ETS2: variants seen among roughly 807,000 people sequenced by gnomAD.
The protein encoded by ETS2 is protein C-ets-2.
ETS2 carries 19 observed loss-of-function variants against 54.9 expected under a neutral mutation model. The ratio of observed to expected loss-of-function variants is 0.35; its 90% CI spans 0.24 to 0.51. The LOEUF is 0.51. Ranked by LOEUF, ETS2 falls within the 20% of genes least tolerant of loss-of-function variation. The pLI, the probability that ETS2 is intolerant of heterozygous loss-of-function variation, is 0.97. For synonymous variants in ETS2, 219 were observed against 229.3 expected, an observed-to-expected ratio of 0.95 and a Z score of 0.41; for missense variants, 417 against 593.0, an observed-to-expected ratio of 0.70 and a Z score of 3.08.
At position 38,806,395 on chromosome 21, in the gene ETS2, G is replaced by A. The variant is rs1191865344; in HGVS notation, c.-1+275G>A. On this transcript the variant is annotated intron_variant, in intron 1 of 9. Transcript: ENST00000360938. This position sits in a 1 kb window ranked among gnomAD's most constrained non-coding sequence, Gnocchi z 4.3. The stretch of plus-strand genomic sequence containing the variant: ...GGGCCGCTGTCTTCGGGGTCGCCTA[G>A]CGGCGGGCGCGGCCAGGGCGCGCTG... 1 of 985,828 alleles carries A rather than the reference G, an allele frequency of 1.0e-6. No individual in the cohort carries two copies. The allele number at this position is 985,828 out of a possible 1,614,324, so 61.1% of individuals were successfully genotyped here.
At chr21:38,819,094 G>A (rs1035208207) in intron 7 of ETS2, among the ~76,000 whole-genome samples, 17 of 152,062 alleles carry the variant, frequency 1.1e-4, no homozygotes, top group East Asian at 3.9e-4. Flanking sequence ...ATGTCCCCCC[G>A]ACAGAAGGGA....
intron 1 of ETS2, among the ~76,000 whole-genome samples, chr21:38,808,923 G>A (rs1459571411): frequency 1.3e-5 from 2 of 152,158 alleles, no homozygotes; most frequent in African/African-American, 4.8e-5. Flanking sequence ...GCCATTCATC[G>A]GTGCTAACCC....
rs766202172 is a variant in ETS2, at chr21:38,814,884, C to T, written c.408C>T (p.Gly136=). The change falls in exon 5 of 10, where the codon GGC becomes GGT. Residue 136 remains glycine, a synonymous_variant. Transcript: ENST00000360938. This position sits in a 1 kb window ranked among gnomAD's most constrained non-coding sequence, Gnocchi z 4.2. ...NVNLQRFGMN[G]QMLCNLGKER... ...ATCTGCAGAGGTTCGGCATGAATGG[C>T]CAGATGCTGTGTAACCTTGGCAAGG... is the stretch of plus-strand genomic sequence containing the variant. 5 of 1,614,186 alleles carry T rather than the reference C, an allele frequency of 3.1e-6. No homozygotes were observed. The Admixed American group carries it at 8.3e-5, about 27-fold the overall frequency.
At chr21:38,817,401 A>G (rs1470050241) in intron 6 of ETS2, among the ~76,000 whole-genome samples, 2 of 152,248 alleles carry the variant, frequency 1.3e-5, no homozygotes, top group Non-Finnish European at 2.9e-5. Flanking sequence ...GCCAAGTAAA[A>G]TAAGAAAATT....
chr21:38,806,003 C>G lies in ETS2; in HGVS notation c.-118C>G. 1 of 1,262,708 alleles carries G rather than the reference C, an allele frequency of 7.9e-7. No homozygotes were observed. Among genetic ancestry groups the G allele is most frequent in the Non-Finnish European group, 1.0e-6 (1 of 978,626 alleles). The allele number at this position is 1,262,708 out of a possible 1,614,324, so 78.2% of individuals were successfully genotyped here. On this transcript the variant is annotated 5_prime_UTR_variant, in exon 1 of 10. Transcript: ENST00000360938. The surrounding 1 kb of genome is among the most constrained non-coding windows in gnomAD (Gnocchi z 4.3). ...CTCCCGGAGCCGCCCGGCCAGCGTC[C>G]GGCCTCCCTGATCGTCTCTGGCCGG...
At chr21:38,818,328 G>C in intron 6 of ETS2, 97 bp from the exon 7 acceptor site, 2 of 1,540,438 alleles carry the variant, frequency 1.3e-6, no homozygotes, top group Non-Finnish European at 1.8e-6. Flanking sequence ...CAGAGGGCTG[G>C]AGTGTGCGGA....
Position 38,821,965 on chromosome 21 carries a change from CA to C in ETS2, c.1194+263del, listed in dbSNP as rs975700232. On this transcript the variant is annotated intron_variant, in intron 9 of 9. Transcript: ENST00000360938. The surrounding 1 kb of genome is among the most constrained non-coding windows in gnomAD (Gnocchi z 4.2). The stretch of plus-strand genomic sequence containing the variant: ...TGATCAGTTGTCTGATCAAGAGGCC[CA>C]AGCTGCAAACTGAGGTTCTCTGCTG... 1.3e-5 allele frequency among the ~76,000 whole-genome samples: 2 copies of C among 152,156 alleles called. No homozygotes were observed. Among genetic ancestry groups the C allele is most frequent in the African/African-American group, 4.8e-5 (2 of 41,424 alleles).
At chr21:38,812,844 AGT>A (rs1229365179) in intron 2 of ETS2, among the ~76,000 whole-genome samples, 157 bp from the exon 3 acceptor site, 1 of 152,208 alleles carries the variant, frequency 6.6e-6, no homozygotes, top group Admixed American at 6.5e-5. Flanking sequence ...CCATTTTACG[AGT>A]CTGTTTTAAG....
chr21:38,813,076 T>C lies in ETS2; in HGVS notation c.146T>C (p.Leu49Pro). 6.2e-7 allele frequency: 1 copy of C among 1,613,794 alleles called. No individual in the cohort carries two copies. The highest frequency in any genetic ancestry group is 1.7e-5 in the Admixed American group (1 of 60,030). Residue 49 changes from leucine to proline, a missense_variant, in exon 3 of 10, where the codon CTG becomes CCG. Coordinates refer to ENST00000360938, the MANE Select transcript of ETS2 (RefSeq NM_005239.6). Reference protein sequence around the residue: ...VFPSLNEEQTLQEVPTGLDSI... With the variant: ...VFPSLNEEQTPQEVPTGLDSI... ...CCTTCTCTAAATGAAGAGCAAACAC[T>C]GCAAGAAGTGCCAACAGGCTTGGAT...
intron 6 of ETS2, 110 bp from the exon 7 acceptor site, chr21:38,818,315 C>G (rs1454045944): frequency 2.1e-5 from 31 of 1,465,440 alleles, no homozygotes; most frequent in Admixed American, 3.5e-5. Flanking sequence ...CACTGAGGTT[C>G]TGCAGAGGGC....
At chr21:38,820,371 A>T (rs763380339) in intron 8 of ETS2, among the ~76,000 whole-genome samples, 5 of 152,282 alleles carry the variant, frequency 3.3e-5, no homozygotes, top group Middle Eastern at 3.4e-3. Flanking sequence ...GATTGAAATT[A>T]CCTAACTTAA....
At chr21:38,805,752 T>C, upstream of ETS2, 1 of 721,170 alleles carries the variant, frequency 1.4e-6, no homozygotes, top group Non-Finnish European at 1.8e-6. The surrounding 1 kb of genome is among the most constrained non-coding windows in gnomAD (Gnocchi z 5.2). Flanking sequence ...CTCCTCCCGC[T>C]TCTCCCCATC....
At chr21:38,812,494 A>G (rs1375649647) in intron 2 of ETS2, among the ~76,000 whole-genome samples, 1 of 152,246 alleles carries the variant, frequency 6.6e-6, no homozygotes, top group African/African-American at 2.4e-5. Context: ...AAATAAATCC[A>G]CAGTGGCCGG....
intron 6 of ETS2, among the ~76,000 whole-genome samples, chr21:38,817,791 T>C (rs1393639505): frequency 6.6e-6 from 1 of 152,080 alleles, no homozygotes; most frequent in African/African-American, 2.4e-5. Flanking sequence ...TCCGGCCCAG[T>C]GTTTTCTCTC....
chr21:38,815,635 A>G (rs1388316542), intron 5 of ETS2, among the ~76,000 whole-genome samples: 1 of 151,928 alleles, frequency 6.6e-6, no homozygotes, highest in Non-Finnish European at 1.5e-5. Flanking sequence ...ATGTTGAGTT[A>G]AAAAAGAAAA....
At chr21:38,820,781 C>T (rs926067593) in intron 8 of ETS2, among the ~76,000 whole-genome samples, 6 of 152,200 alleles carry the variant, frequency 3.9e-5, no homozygotes, top group African/African-American at 4.8e-5. Flanking sequence ...ACGGCCATTG[C>T]GTTTCTGAGG....
In ETS2 at chr21:38,817,086, C is replaced by CATT. The variant is rs749216483; in HGVS notation, c.586_588dup (p.Leu196dup). 1.3e-6 allele frequency: 2 copies of CATT among 1,592,948 alleles called. No individual in the cohort carries two copies. The highest frequency in any genetic ancestry group is 1.7e-6 in the Non-Finnish European group (2 of 1,160,906). On this transcript the variant is annotated inframe_insertion, in exon 6 of 10. Transcript: ENST00000360938. ...GTTCCTCATTGGATTAACAGCAATA[C>CATT]ATTAGGTCAGTCCGATTGATTCTGC...
At chr21:38,808,706 TTAAA>T (rs2060902958) in intron 1 of ETS2, among the ~76,000 whole-genome samples, 1 of 151,922 alleles carries the variant, frequency 6.6e-6, no homozygotes, top group Non-Finnish European at 1.5e-5. Context: ...TAAATGCAAA[TTAAA>T]TAGTTCGGTG....
chr21:38,814,455 A>G lies in ETS2; in HGVS notation c.304+63A>G. On this transcript the variant is annotated intron_variant, in intron 4 of 9. Transcript: ENST00000360938. This position sits in a 1 kb window ranked among gnomAD's most constrained non-coding sequence, Gnocchi z 4.2. ...GAACCAACTTCAGTGCAGTTGTTTG[A>G]TCTTGACTTGTTTATTAAGCTTTTG... The G allele has an allele frequency of 6.3e-7, 1 of 1,590,110 alleles. No homozygotes were observed. Among genetic ancestry groups the G allele is most frequent in the Non-Finnish European group, 8.6e-7 (1 of 1,165,064 alleles).
Sources: gnomAD v4.1 joint callset for allele counts (sites outside exome capture counted in the v4.1 genomes callset) on GRCh38, gnomAD v4.1.1 for gene constraint, Gnocchi (gnomAD v3.1) non-coding constraint, MANE v1.5 for transcripts, NCBI Gene and HGNC (gene_info 2026-07-23, HGNC 2026-07-21) for gene names.